The following DPYD variants were observed in gnomAD, a reference collection of about 807,000 sequenced individuals.
DPYD encodes the protein dihydropyrimidine dehydrogenase.
A neutral mutation model predicts 116.2 loss-of-function variants in DPYD; 109 were observed. The ratio of observed to expected loss-of-function variants is 0.94; its 90% CI spans 0.80 to 1.10. The LOEUF (loss-of-function observed/expected upper bound fraction) is 1.10. Ranked by LOEUF, DPYD falls within the 50% of genes least tolerant of loss-of-function variation. DPYD has a pLI of 0.00. For synonymous variants in DPYD, 440 were observed against 432.0 expected (o/e 1.02, Z -0.23); for missense variants, 1,302 against 1,254.5 (o/e 1.04, Z -0.57).
At chr1:97,516,671 A>G (rs562176788) in intron 12 of DPYD, among the ~76,000 whole-genome samples, 3 of 152,160 alleles carry the variant, frequency 2.0e-5, no homozygotes, top group African/African-American at 7.2e-5. Flanking sequence ...TTGCAGGATT[A>G]TTGGAATGAT....
chr1:97,814,943 A>AAGGAAGGAGAGAG (rs1213076068), intron 3 of DPYD, among the ~76,000 whole-genome samples: 1 of 150,374 alleles, frequency 6.7e-6, no homozygotes, highest in African/African-American at 2.4e-5. Flanking sequence ...GAAAGAAAGA[A>AAGGAAGGAGAGAG]AGAAAGAAAG....
At chr1:97,082,625 A>T (rs1210886196) in intron 21 of DPYD, among the ~76,000 whole-genome samples, 155 bp from the exon 22 acceptor site, 1 of 152,136 alleles carries the variant, frequency 6.6e-6, no homozygotes, top group Admixed American at 6.5e-5. Flanking sequence ...GCTTTTTATG[A>T]TAATTATAGC....
chr1:97,586,407 G>T (rs1240125103), intron 10 of DPYD: 1 of 134,502 alleles, frequency 7.4e-6, no homozygotes, highest in Non-Finnish European at 1.5e-5. Flanking sequence ...TGACACACCA[G>T]GTAAAAAACG....
intron 13 of DPYD, among the ~76,000 whole-genome samples, chr1:97,496,377 C>G (rs1193267628): frequency 6.6e-6 from 1 of 152,060 alleles, no homozygotes; most frequent in South Asian, 2.1e-4. Flanking sequence ...TTCATCTGCT[C>G]TCACTCTTGT....
In DPYD at chr1:97,307,222, A is replaced by C. The variant is rs113361939; in HGVS notation, c.2059-925T>G. On this transcript the variant is annotated intron_variant, in intron 16 of 22. Transcript: ENST00000370192. ...TAATGTGCTTTGATAAATTACCTTAAAGTATGCAATAGCAATTCATTATCG... is the reference window on the plus strand; with the variant it reads ...TAATGTGCTTTGATAAATTACCTTACAGTATGCAATAGCAATTCATTATCG... 4.9e-4 allele frequency among the ~76,000 whole-genome samples: 74 copies of C among 151,878 alleles called. 3 individuals carry two copies. The highest frequency in any genetic ancestry group is 1.8e-4 in the Non-Finnish European group (12 of 67,900).
At chr1:97,608,769 A>G (rs1655756976) in intron 8 of DPYD, among the ~76,000 whole-genome samples, 1 of 151,794 alleles carries the variant, frequency 6.6e-6, no homozygotes, top group South Asian at 2.1e-4. Flanking sequence ...ATTTAATAAT[A>G]CACATATAAA....
rs59336649 is a variant in DPYD at position 97,893,429 on chromosome 1, CATATATATATATAT to C, written c.40-10069_40-10056del. Among the ~76,000 whole-genome samples the C allele has an allele frequency of 1.3e-4, 9 of 71,904 alleles. No individual in the cohort carries two copies. The East Asian group carries it at 2.1e-3, about 17-fold the overall frequency. The allele number at this position is 71,904 out of a possible 152,430, so 47.2% of individuals were successfully genotyped here. On this transcript the variant is annotated intron_variant, in intron 1 of 22. Transcript: ENST00000370192. ...CAAAAACAGATTTTAATATCCATCGCATATATATATATATATATATATATATATATATAGCAATG... is the reference window on the plus strand; with the variant it reads ...CAAAAACAGATTTTAATATCCATCGCATATATATATATATATATAGCAATG...
At chr1:97,430,737 T>C (rs558621062) in intron 14 of DPYD, among the ~76,000 whole-genome samples, 3 of 152,186 alleles carry the variant, frequency 2.0e-5, no homozygotes, top group Non-Finnish European at 2.9e-5. Flanking sequence ...GAGTCTTATA[T>C]GCACATAATT....
intron 2 of DPYD, among the ~76,000 whole-genome samples, chr1:97,846,827 TG>T (rs766027670): frequency 6.6e-6 from 1 of 152,234 alleles, no homozygotes; most frequent in Non-Finnish European, 1.5e-5. Context: ...GACTATTATT[TG>T]TTCACCTATG....
chr1:97,209,479 A>C (rs1350431214), intron 19 of DPYD, among the ~76,000 whole-genome samples: 1 of 152,118 alleles, frequency 6.6e-6, no homozygotes, highest in African/African-American at 2.4e-5. Context: ...CAGTATTCTT[A>C]CTGTAGCTGT....
intron 20 of DPYD, among the ~76,000 whole-genome samples, chr1:97,169,656 A>C (rs6593634): frequency 0.31 from 46,401 of 151,560 alleles, 8,139 homozygotes; most frequent in East Asian, 0.65. Flanking sequence ...CTTTTAATAG[A>C]CTCTACTAGC....
At chr1:97,425,591 A>G (rs1298489657) in intron 14 of DPYD, among the ~76,000 whole-genome samples, 2 of 152,092 alleles carry the variant, frequency 1.3e-5, no homozygotes, top group Non-Finnish European at 1.5e-5. Context: ...TTATAGAAAC[A>G]GATGTCTACG....
intron 18 of DPYD, among the ~76,000 whole-genome samples, chr1:97,289,144 C>T (rs1354549822): frequency 6.6e-6 from 1 of 152,092 alleles, no homozygotes; most frequent in Non-Finnish European, 1.5e-5. Flanking sequence ...CAAGAAGAAG[C>T]TGAATCTCTG....
Position 97,593,706 on chromosome 1 carries a change from A to C in DPYD, c.959-319T>G, listed in dbSNP as rs570146906. Among the ~76,000 whole-genome samples, 26 of 152,334 alleles carry C rather than the reference A, an allele frequency of 1.7e-4. No homozygotes were observed. The South Asian group carries it at 5.4e-3, about 32-fold the overall frequency. On this transcript the variant is annotated intron_variant, in intron 9 of 22. Transcript: ENST00000370192. ...TCTCTTCATCAAAATTGTGCTATCT[A>C]TCTTTAACTCAGCATAATTTTCCTT...
intron 1 of DPYD, among the ~76,000 whole-genome samples, chr1:97,908,761 C>G (rs1394846616): frequency 6.6e-6 from 1 of 152,088 alleles, no homozygotes; most frequent in Admixed American, 6.6e-5. Flanking sequence ...CTTCCTGAAA[C>G]CATCAATCCA....
At chr1:97,118,372 C>G (rs61786261) in intron 20 of DPYD, among the ~76,000 whole-genome samples, 3 of 152,046 alleles carry the variant, frequency 2.0e-5, no homozygotes, top group Non-Finnish European at 4.4e-5. Context: ...CTTAAACTCT[C>G]TTTCCATTTC....
chr1:97,841,947 G>A (rs905699736), intron 2 of DPYD, among the ~76,000 whole-genome samples: 2 of 151,426 alleles, frequency 1.3e-5, no homozygotes, highest in East Asian at 3.9e-4. Context: ...GAAGTTCAAG[G>A]AATAAATAAA....
At chr1:97,256,662 G>A (rs1475038712) in intron 18 of DPYD, among the ~76,000 whole-genome samples, 1 of 151,944 alleles carries the variant, frequency 6.6e-6, no homozygotes, top group Non-Finnish European at 1.5e-5. Context: ...TCCAGTCTCA[G>A]GTATATCTTT....
chr1:97,285,488 G>T (rs1665610545), intron 18 of DPYD, among the ~76,000 whole-genome samples: 1 of 152,000 alleles, frequency 6.6e-6, no homozygotes, highest in Non-Finnish European at 1.5e-5. Context: ...ATTGCTCTTT[G>T]ATGTATACAA....
Sources: allele counts gnomAD v4.1 joint callset (sites outside exome capture counted in the v4.1 genomes callset), GRCh38; gene constraint gnomAD v4.1.1; transcripts MANE v1.5; gene names NCBI Gene and HGNC (gene_info 2026-07-23, HGNC 2026-07-21).